Variants in YIPF6 observed in about 807,000 individuals in gnomAD.
YIPF6 encodes Yip1 domain family member 6.
A neutral mutation model predicts 16.8 loss-of-function variants in YIPF6; 3 were observed. The observed-to-expected ratio is 0.18, with a 90% CI of 0.08 to 0.46. YIPF6 has a LOEUF of 0.46. YIPF6 is among the 20% of genes least tolerant of loss of function. YIPF6 has a pLI of 0.98. For missense variants in YIPF6, 145 were observed against 184.9 expected (o/e 0.78, Z 1.25); for synonymous variants, 67 against 61.9 (o/e 1.08, Z -0.38).
In YIPF6 at chrX:68,517,115, C is replaced by T. The variant is rs773701656; in HGVS notation, c.266-1655C>T. Reference sequence around the variant, plus strand: ...GGGATTACAGGCATGAGCTACCGAACCCGACCAAATCACTCAGCAGCTGTT... The same window carrying T: ...GGGATTACAGGCATGAGCTACCGAATCCGACCAAATCACTCAGCAGCTGTT... On this transcript the variant is annotated intron_variant, in intron 3 of 6. Coordinates refer to ENST00000462683, the MANE Select transcript of YIPF6 (RefSeq NM_173834.4). Among the ~76,000 whole-genome samples, 224 of 109,282 alleles carry T rather than the reference C, an allele frequency of 2.0e-3. 2 individuals carry two copies. The highest frequency in any genetic ancestry group is 7.2e-3 in the African/African-American group (215 of 29,998). 94.9% of individuals were successfully genotyped at this position (109,282 alleles called of 115,157 possible). A position where few individuals can be genotyped will look rare whatever the true frequency, so the allele number is the denominator to read the frequency against.
chrX:68,511,924 C>T lies in YIPF6; in HGVS notation c.133C>T (p.Arg45Cys), dbSNP rs935692825. The T allele has an allele frequency of 5.0e-6, 6 of 1,210,365 alleles. No individual in the cohort carries two copies. The Admixed American group carries it at 1.1e-4, about 22-fold the overall frequency. Residue 45 changes from arginine to cysteine, a missense_variant, in exon 2 of 7, where the codon CGC (arginine) becomes TGC (cysteine). Physicochemically the swap from Arg to Cys is radical, Grantham distance 180 (BLOSUM62 -3). Transcript: ENST00000462683. ...AGAAATCACCATTCCTATGAGATCTCGCATCCGGGAGTTTGACAGCTCCAC... is the reference window on the plus strand; with the variant it reads ...AGAAATCACCATTCCTATGAGATCTTGCATCCGGGAGTTTGACAGCTCCAC... ...EGEITIPMRSRIREFDSSTLN... is the reference protein window; with the variant it reads ...EGEITIPMRSCIREFDSSTLN...
chrX:68,531,811 G>A, intron 6 of YIPF6, 70 bp from the exon 7 acceptor site: 1 of 739,320 alleles, frequency 1.4e-6, no homozygotes, highest in Non-Finnish European at 2.0e-6. Context: ...TGAATGTTTA[G>A]TAAATGTTAA....
intron 4 of YIPF6, among the ~76,000 whole-genome samples, chrX:68,519,666 G>A (rs888143094): frequency 9.1e-6 from 1 of 109,641 alleles, no homozygotes; most frequent in East Asian, 2.9e-4. Context: ...ACTCTGGGTC[G>A]CCTCTTCCAT....
intron 1 of YIPF6, among the ~76,000 whole-genome samples, chrX:68,506,616 C>T (rs893430006): frequency 9.0e-6 from 1 of 110,879 alleles, no homozygotes; most frequent in Non-Finnish European, 1.9e-5. Context: ...GGGAGGATTG[C>T]TTGAGCCTGG....
At chrX:68,509,467 C>G (rs773750141) in intron 1 of YIPF6, among the ~76,000 whole-genome samples, 1 of 111,487 alleles carries the variant, frequency 9.0e-6, no homozygotes, top group Non-Finnish European at 1.9e-5. Context: ...CTGTCTTTGC[C>G]CTTGCATCTC....
intron 3 of YIPF6, chrX:68,514,239 A>AAAATAT (rs1555998141): frequency 2.1e-5 from 2 of 94,712 alleles, no homozygotes; most frequent in African/African-American, 3.8e-5. Flanking sequence ...AAAAAAAAAA[A>AAAATAT]ATATATATAT....
At chrX:68,526,425 A>T (rs944730373) in intron 6 of YIPF6, among the ~76,000 whole-genome samples, 1 of 111,868 alleles carries the variant, frequency 8.9e-6, no homozygotes, top group Non-Finnish European at 1.9e-5. Flanking sequence ...TGTCATCTGC[A>T]AACAGAGACA....
At position 68,522,766 on chromosome X, in the gene YIPF6, T is replaced by C; in HGVS notation, c.441T>C (p.Phe147=). ...NSKLLGGNIS[F]FQSLCVLGYC... Reference sequence around the variant, plus strand: ...AATGTATTTTGTTTTTAAGATCTTTTTTTCAGAGCCTCTGTGTGCTGGGTT... The same window carrying C: ...AATGTATTTTGTTTTTAAGATCTTTCTTTCAGAGCCTCTGTGTGCTGGGTT... The change falls in exon 6 of 7, where the codon TTT becomes TTC. Residue 147 remains phenylalanine (F), a synonymous_variant. Transcript: ENST00000462683. 8.4e-7 allele frequency: 1 copy of C among 1,194,514 alleles called. No homozygotes were observed. The highest frequency in any genetic ancestry group is 1.1e-6 in the Non-Finnish European group (1 of 890,404).
At position 68,533,062 on chromosome X, in the gene YIPF6, C is replaced by T. The variant is rs1202574775; in HGVS notation, c.*1063C>T. The stretch of plus-strand genomic sequence containing the variant: ...GAACAGCTAGATACTTAGAGCATGA[C>T]GTGGGATGGGATGAGTTTACAGCTG... On this transcript the variant is annotated 3_prime_UTR_variant, in exon 7 of 7. Coordinates refer to ENST00000462683, the MANE Select transcript of YIPF6 (RefSeq NM_173834.4). 1 of 112,083 alleles carries T rather than the reference C, an allele frequency of 8.9e-6. No homozygotes were observed. Among genetic ancestry groups the T allele is most frequent in the Non-Finnish European group, 1.9e-5 (1 of 53,261 alleles). 9.2% of individuals were successfully genotyped at this position (112,083 alleles called of 1,213,427 possible).
At chrX:68,516,869 G>A (rs2079104761) in intron 3 of YIPF6, among the ~76,000 whole-genome samples, 1 of 110,604 alleles carries the variant, frequency 9.0e-6, no homozygotes, top group Non-Finnish European at 1.9e-5. Flanking sequence ...GGAGTGTAGT[G>A]AGTGGAGGTT....
rs762408287 is a variant in YIPF6 at position 68,526,419 on chromosome X, A to T, written c.592+3502A>T. Among the ~76,000 whole-genome samples the T allele has an allele frequency of 1.4e-4, 16 of 111,865 alleles. No individual in the cohort carries two copies. In the East Asian group the frequency reaches 4.5e-3, roughly 31 times the overall value. On this transcript the variant is annotated intron_variant, in intron 6 of 6. Coordinates refer to ENST00000462683, the MANE Select transcript of YIPF6 (RefSeq NM_173834.4). ...GGTTTTCTAAATATACAATCATGTC[A>T]TCTGCAAACAGAGACAATTTGACTT...
chrX:68,502,648 A>G (rs1221993223), intron 1 of YIPF6, among the ~76,000 whole-genome samples: 3 of 111,430 alleles, frequency 2.7e-5, no homozygotes, highest in South Asian at 3.7e-4. Context: ...AGGCCATTCA[A>G]TAGATATCCA....
intron 1 of YIPF6, among the ~76,000 whole-genome samples, chrX:68,510,066 G>C (rs1447482820): frequency 2.7e-5 from 3 of 111,860 alleles, no homozygotes; most frequent in Non-Finnish European, 5.6e-5. Flanking sequence ...GAAGCACCTG[G>C]CTTTCTTTAG....
chrX:68,519,606 T>C (rs1459264726), intron 4 of YIPF6, among the ~76,000 whole-genome samples: 1 of 110,013 alleles, frequency 9.1e-6, no homozygotes, highest in Non-Finnish European at 1.9e-5. Context: ...GTTTCCTCAC[T>C]ACCTATTTTG....
chrX:68,536,320 A>G lies in YIPF6; in HGVS notation c.*4321A>G, dbSNP rs752390277. 1.8e-5 allele frequency: 2 copies of G among 111,527 alleles called. No homozygotes were observed. Among genetic ancestry groups the G allele is most frequent in the Non-Finnish European group, 3.8e-5 (2 of 53,158 alleles). The allele number at this position is 111,527 out of a possible 1,213,427, so 9.2% of individuals were successfully genotyped here. On this transcript the variant is annotated 3_prime_UTR_variant, in exon 7 of 7. Coordinates refer to ENST00000462683, the MANE Select transcript of YIPF6 (RefSeq NM_173834.4). Reference sequence around the variant, plus strand: ...CACTATTCTTCTGTGCTTCTCATGCATCTCCTGTAATACCAGTGCTACAAT... The same window carrying G: ...CACTATTCTTCTGTGCTTCTCATGCGTCTCCTGTAATACCAGTGCTACAAT...
chrX:68,526,466 C>G (rs148025594), intron 6 of YIPF6, among the ~76,000 whole-genome samples: 109 of 111,316 alleles, frequency 9.8e-4, no homozygotes, highest in Middle Eastern at 4.6e-3. Context: ...ATTTGAATAC[C>G]CTTTATTTCT....
At chrX:68,515,672 C>CTT (rs528529230) in intron 3 of YIPF6, among the ~76,000 whole-genome samples, 3 of 102,282 alleles carry the variant, frequency 2.9e-5, no homozygotes, top group Non-Finnish European at 4.0e-5. Context: ...TTATGGTTGA[C>CTT]TTTTTTTTTT....
At chrX:68,513,466 A>T (rs941558884) in intron 3 of YIPF6, 61 bp downstream of exon 3, 14 of 794,603 alleles carry the variant, frequency 1.8e-5, no homozygotes, top group Non-Finnish European at 2.4e-5. Flanking sequence ...TATCGTAAGT[A>T]CTTTATAAGG....
At chrX:68,526,186 G>A (rs1338905352) in intron 6 of YIPF6, among the ~76,000 whole-genome samples, 1 of 111,380 alleles carries the variant, frequency 9.0e-6, no homozygotes, top group African/African-American at 3.3e-5. Flanking sequence ...AGTTCTCCTT[G>A]AAGAGGTCCT....
Sources: allele counts gnomAD v4.1 joint callset (sites outside exome capture counted in the v4.1 genomes callset), GRCh38; gene constraint gnomAD v4.1.1; transcripts MANE v1.5; gene names NCBI Gene and HGNC (gene_info 2026-07-23, HGNC 2026-07-21).